Variants in FRMD4B observed in about 807,000 individuals in gnomAD.
FRMD4B encodes the protein FERM domain containing 4B, also known as FERM domain-containing protein 4B.
FRMD4B carries 74 observed loss-of-function variants against 141.5 expected under a neutral mutation model. The observed-to-expected ratio is 0.52, with a 90% CI of 0.43 to 0.63. The LOEUF is 0.63. Among genes scored for constraint, FRMD4B ranks in the 30% least tolerant of loss-of-function variants. FRMD4B has a pLI of 0.00. For missense variants in FRMD4B, 1,366 were observed against 1,253.4 expected, an observed-to-expected ratio of 1.09 and a Z score of -1.36; for synonymous variants, 506 against 467.9, an observed-to-expected ratio of 1.08 and a Z score of -1.05.
At chr3:69,314,572 GC>G (rs1701742858) in intron 1 of FRMD4B, among the ~76,000 whole-genome samples, 1 of 149,358 alleles carries the variant, frequency 6.7e-6, no homozygotes, top group Non-Finnish European at 1.5e-5. Context: ...AGTGGCTCAC[GC>G]CTGTAATCCC....
intron 5 of FRMD4B, among the ~76,000 whole-genome samples, chr3:69,275,546 C>T (rs1047293598): frequency 2.0e-5 from 3 of 151,158 alleles, no homozygotes; most frequent in African/African-American, 7.3e-5. Flanking sequence ...TTCCAGTGAT[C>T]CTCCTGCCTT....
rs188518869 is a variant in FRMD4B, at chr3:69,215,659, A to T, written c.876+604T>A. ...AAAAGCAGACATGTTCACTGCAGAA[A>T]ATGGTGAAACAGAGATAATAGCAGC... On this transcript the variant is annotated intron_variant, in intron 11 of 22. Coordinates refer to ENST00000398540, the MANE Select transcript of FRMD4B (RefSeq NM_015123.3). Among the ~76,000 whole-genome samples the T allele has an allele frequency of 1.6e-3, 247 of 152,200 alleles. 1 individual carries two copies. Among genetic ancestry groups the T allele is most frequent in the Non-Finnish European group, 2.4e-3 (164 of 68,002 alleles).
At chr3:69,269,290 A>G (rs2093583547) in intron 5 of FRMD4B, among the ~76,000 whole-genome samples, 1 of 151,856 alleles carries the variant, frequency 6.6e-6, no homozygotes, top group Non-Finnish European at 1.5e-5. Context: ...AATAACTACA[A>G]AAACAAGAAA....
chr3:69,214,453 T>A (rs1353599057), intron 11 of FRMD4B, among the ~76,000 whole-genome samples: 1 of 152,174 alleles, frequency 6.6e-6, no homozygotes, highest in Non-Finnish European at 1.5e-5. Flanking sequence ...TGAGTCAGTC[T>A]TGATGTCACT....
chr3:69,216,891 A>C (rs1365788250), intron 10 of FRMD4B, among the ~76,000 whole-genome samples: 1 of 152,198 alleles, frequency 6.6e-6, no homozygotes, highest in East Asian at 1.9e-4. Context: ...AAAAAGAGTA[A>C]AGCATTACTG....
intron 11 of FRMD4B, among the ~76,000 whole-genome samples, chr3:69,210,151 T>A (rs1442489456): frequency 6.6e-6 from 1 of 152,234 alleles, no homozygotes; most frequent in Admixed American, 6.5e-5. Context: ...ACCTCAAGTC[T>A]TTCTTGGCAT....
chr3:69,457,025 C>T (rs1472228395), intron 1 of FRMD4B, among the ~76,000 whole-genome samples: 1 of 152,148 alleles, frequency 6.6e-6, no homozygotes, highest in Non-Finnish European at 1.5e-5. Flanking sequence ...GTCTAATTCA[C>T]ATACACACAC....
chr3:69,310,579 CACAGAGAGAGAGAGAG>C (rs1256291112), intron 3 of FRMD4B: 1,104 of 265,100 alleles, frequency 4.2e-3, no homozygotes, highest in South Asian at 9.3e-3. Flanking sequence ...CACACACACA[CACAGAGAGAGAGAGAG>C]AGAGAGAGAG....
At chr3:69,384,901 G>C (rs1396462501) in intron 1 of FRMD4B, among the ~76,000 whole-genome samples, 1 of 152,102 alleles carries the variant, frequency 6.6e-6, no homozygotes, top group African/African-American at 2.4e-5. Context: ...CAAATGGGGG[G>C]AAATCCAGGA....
intron 1 of FRMD4B, among the ~76,000 whole-genome samples, chr3:69,338,655 G>C (rs1392307833): frequency 6.6e-6 from 1 of 152,110 alleles, no homozygotes; most frequent in African/African-American, 2.4e-5. Context: ...ACACAAAGAA[G>C]GGAACAACAG....
At chr3:69,478,156 C>T (rs1451626024) in intron 1 of FRMD4B, among the ~76,000 whole-genome samples, 3 of 152,172 alleles carry the variant, frequency 2.0e-5, no homozygotes, top group Admixed American at 1.3e-4. Context: ...AAAAAACCAG[C>T]TCCTGGATTT....
At chr3:69,475,634 C>T (rs1705981045) in intron 1 of FRMD4B, among the ~76,000 whole-genome samples, 1 of 152,068 alleles carries the variant, frequency 6.6e-6, no homozygotes, top group Non-Finnish European at 1.5e-5. Context: ...GGTTCCAAGT[C>T]TTTGCTATTG....
chr3:69,522,143 A>G (rs1159537113), intron 1 of FRMD4B, among the ~76,000 whole-genome samples: 2 of 151,996 alleles, frequency 1.3e-5, no homozygotes, highest in African/African-American at 4.8e-5. Context: ...ATCTACCCAT[A>G]TACTATCTAG....
At position 69,187,806 on chromosome 3, in the gene FRMD4B, G is replaced by A. The variant is rs775053625; in HGVS notation, c.1883C>T (p.Ser628Phe). 2.5e-6 allele frequency: 4 copies of A among 1,612,308 alleles called. No individual in the cohort carries two copies. Among genetic ancestry groups the A allele is most frequent in the Non-Finnish European group, 3.4e-6 (4 of 1,178,888 alleles). The change falls in exon 19 of 23, where the codon TCC becomes TTC. Residue 628 changes from serine (S) to phenylalanine (F), a missense_variant. Coordinates refer to ENST00000398540, the MANE Select transcript of FRMD4B (RefSeq NM_015123.3). ...GGTATCCACAAACTGTTCATTGATG[G>A]ACGACTTTCTGAAATGGATTCGCTC... ...GIERIHFRKS[S>F]INEQFVDTRQ... is the part of the protein sequence containing the mutation.
At chr3:69,446,791 C>A (rs952550446) in intron 1 of FRMD4B, among the ~76,000 whole-genome samples, 6 of 152,186 alleles carry the variant, frequency 3.9e-5, no homozygotes, top group Admixed American at 1.3e-4. Context: ...AGTTTAGAAT[C>A]TCTGACATGG....
rs539418612 is a variant in FRMD4B at position 69,339,229 on chromosome 3, C to T, written c.163-25712G>A. On this transcript the variant is annotated intron_variant, in intron 1 of 22. Transcript: ENST00000398540. Reference sequence around the variant, plus strand: ...AGAAAATGAAACTTAATGTTAAACCCGAGTTTTATAATCAGTTCTATCATT... The same window carrying T: ...AGAAAATGAAACTTAATGTTAAACCTGAGTTTTATAATCAGTTCTATCATT... Among the ~76,000 whole-genome samples, 6 of 152,056 alleles carry T rather than the reference C, an allele frequency of 3.9e-5. No homozygotes were observed. The South Asian group carries it at 6.2e-4, about 16-fold the overall frequency.
intron 1 of FRMD4B, among the ~76,000 whole-genome samples, chr3:69,457,806 T>C (rs1011413308): frequency 5.3e-5 from 8 of 152,228 alleles, no homozygotes; most frequent in African/African-American, 1.9e-4. Context: ...AATTTCAGCC[T>C]TAGCTGAGGT....
In FRMD4B at chr3:69,367,428, T is replaced by C. The variant is rs557406423; in HGVS notation, c.162+18400A>G. 7.2e-5 allele frequency among the ~76,000 whole-genome samples: 11 copies of C among 152,300 alleles called. No homozygotes were observed. The South Asian group carries it at 1.0e-3, about 14-fold the overall frequency. The stretch of plus-strand genomic sequence containing the variant: ...CACATACATACACACATTGCTTGCA[T>C]ATATCCATAACAATACACATACATA... On this transcript the variant is annotated intron_variant, in intron 1 of 22. Coordinates refer to ENST00000398540, the MANE Select transcript of FRMD4B (RefSeq NM_015123.3).
intron 2 of FRMD4B, among the ~76,000 whole-genome samples, chr3:69,392,168 A>G (rs1243609329): frequency 6.6e-6 from 1 of 152,268 alleles, no homozygotes; most frequent in Non-Finnish European, 1.5e-5. Context: ...GCAGGGAACT[A>G]AGCACTCAGA....
Sources: allele counts gnomAD v4.1 joint callset (sites outside exome capture counted in the v4.1 genomes callset), GRCh38; gene constraint gnomAD v4.1.1; transcripts MANE v1.5; gene names NCBI Gene and HGNC (gene_info 2026-07-23, HGNC 2026-07-21).